The following PPP1R42 variants were observed in gnomAD, a reference collection of about 807,000 sequenced individuals.
PPP1R42 encodes the protein protein phosphatase 1 regulatory subunit 42, also known as leucine rich repeat containing 67.
PPP1R42 carries 34 observed loss-of-function variants against 31.0 expected under a neutral mutation model. The ratio of observed to expected loss-of-function variants is 1.10; its 90% CI spans 0.83 to 1.46. PPP1R42 has a LOEUF of 1.46. Ranked by LOEUF, PPP1R42 falls within the 40% of genes most tolerant of loss-of-function variation. The probability of loss-of-function intolerance (pLI) is 0.00; values close to 1 mark genes in which losing one functional copy is unlikely to be tolerated. For synonymous variants in PPP1R42, 103 were observed against 109.8 expected (o/e 0.94, Z 0.39); for missense variants, 268 against 303.0 (o/e 0.88, Z 0.86).
At chr8:66,984,885 T>G in intron 6 of PPP1R42, 3 of 1,567,024 alleles carry the variant, frequency 1.9e-6, no homozygotes, top group Non-Finnish European at 2.6e-6. Flanking sequence ...GTCTCTGAAG[T>G]TTTTTCTGTT....
rs139899693 is a variant in PPP1R42, at chr8:66,968,785, G to A, written c.803-4451C>T. On this transcript the variant is annotated intron_variant, in intron 7 of 7. Transcript: ENST00000685739. Reference sequence around the variant, plus strand: ...TAGAACTGATAATCTCATTTAATACGTATTAAATCTTTTGATATACTAAAA... The same window carrying A: ...TAGAACTGATAATCTCATTTAATACATATTAAATCTTTTGATATACTAAAA... Among the ~76,000 whole-genome samples, 257 of 152,110 alleles carry A rather than the reference G, an allele frequency of 1.7e-3. 1 individual carries two copies. The highest frequency in any genetic ancestry group is 2.8e-3 in the Non-Finnish European group (187 of 67,990).
At chr8:66,981,746 A>G (rs1219975755) in intron 7 of PPP1R42, among the ~76,000 whole-genome samples, 1 of 152,198 alleles carries the variant, frequency 6.6e-6, no homozygotes, top group East Asian at 1.9e-4. Flanking sequence ...AGCTGATATC[A>G]TGCACTTTTG....
intron 7 of PPP1R42, among the ~76,000 whole-genome samples, chr8:66,977,177 C>T (rs756279736): frequency 1.2e-4 from 18 of 151,762 alleles, no homozygotes; most frequent in African/African-American, 3.9e-4. Context: ...GGATTACAGG[C>T]GTGTGCCACC....
At chr8:67,013,466 C>T (rs528638251) in intron 3 of PPP1R42, among the ~76,000 whole-genome samples, 6 of 151,868 alleles carry the variant, frequency 4.0e-5, no homozygotes, top group African/African-American at 1.4e-4. Context: ...CCTGTAATCC[C>T]AGCACTTTGG....
chr8:66,966,609 T>C (rs1296069931), intron 7 of PPP1R42, among the ~76,000 whole-genome samples: 6 of 151,578 alleles, frequency 4.0e-5, no homozygotes, highest in African/African-American at 1.5e-4. Context: ...CACGGTGAAA[T>C]CCCATCTCTA....
intron 1 of PPP1R42, chr8:67,026,893 A>C (rs1460763489): frequency 2.0e-5 from 3 of 149,366 alleles, no homozygotes; most frequent in Non-Finnish European, 4.4e-5. Context: ...GTCATTTTTC[A>C]AGTGCTTTTT....
chr8:67,005,294 A>G (rs1815639705), intron 5 of PPP1R42, among the ~76,000 whole-genome samples: 1 of 150,906 alleles, frequency 6.6e-6, no homozygotes, highest in Non-Finnish European at 1.5e-5. Context: ...GCAGGTGGCC[A>G]CTCCCTCTTT....
intron 2 of PPP1R42, 35 bp downstream of exon 2, chr8:67,017,584 T>A (rs778662779): frequency 8.6e-7 from 1 of 1,156,428 alleles, no homozygotes; most frequent in East Asian, 2.8e-5. Flanking sequence ...ACATTATTAA[T>A]TATATAAAAT....
At chr8:66,998,047 C>T (rs1162932879) in intron 5 of PPP1R42, among the ~76,000 whole-genome samples, 4 of 152,062 alleles carry the variant, frequency 2.6e-5, no homozygotes, top group African/African-American at 7.2e-5. Flanking sequence ...TATGAGAAAT[C>T]TCTGTACTTT....
chr8:67,018,594 C>G (rs1816092397), intron 1 of PPP1R42, among the ~76,000 whole-genome samples: 1 of 151,662 alleles, frequency 6.6e-6, no homozygotes, highest in Non-Finnish European at 1.5e-5. Flanking sequence ...CTGACTGCAA[C>G]CTCCGTCTCC....
chr8:66,970,872 C>A, intron 7 of PPP1R42: 3 of 867,100 alleles, frequency 3.5e-6, no homozygotes, highest in South Asian at 1.4e-5. Context: ...GGATTGAGAA[C>A]AAAGAACTAG....
intron 7 of PPP1R42, among the ~76,000 whole-genome samples, chr8:66,969,775 T>C (rs1263524724): frequency 6.6e-6 from 1 of 152,250 alleles, no homozygotes. Context: ...TTCCAAAGTA[T>C]GTCCCCTGGC....
chr8:66,972,905 C>T (rs966727439), intron 7 of PPP1R42, among the ~76,000 whole-genome samples: 1 of 152,054 alleles, frequency 6.6e-6, no homozygotes, highest in African/African-American at 2.4e-5. Flanking sequence ...ATTAATTGTC[C>T]TTATATCCCA....
intron 1 of PPP1R42, among the ~76,000 whole-genome samples, chr8:67,023,367 C>T (rs986460845): frequency 2.0e-5 from 3 of 152,102 alleles, no homozygotes; most frequent in Non-Finnish European, 4.4e-5. Flanking sequence ...GCCTCAGCCT[C>T]CCAAACCGTT....
chr8:66,969,069 G>GTTCGTAGT (rs1236169592), intron 7 of PPP1R42, among the ~76,000 whole-genome samples: 1 of 152,142 alleles, frequency 6.6e-6, no homozygotes, highest in African/African-American at 2.4e-5. Context: ...TGTATTTAGT[G>GTTCGTAGT]TTCGTAGTTA....
intron 5 of PPP1R42, among the ~76,000 whole-genome samples, chr8:67,004,992 G>A (rs1337506737): frequency 6.6e-6 from 1 of 151,750 alleles, no homozygotes; most frequent in Non-Finnish European, 1.5e-5. Context: ...TTTGCCCAGC[G>A]TTTTAAAGCC....
At chr8:66,979,810 A>AT (rs1367983588) in intron 7 of PPP1R42, among the ~76,000 whole-genome samples, 1 of 151,994 alleles carries the variant, frequency 6.6e-6, no homozygotes, top group East Asian at 1.9e-4. Flanking sequence ...GTAGACTATA[A>AT]TTTTTTTAAG....
At chr8:67,020,617 C>G (rs1347096145) in intron 1 of PPP1R42, among the ~76,000 whole-genome samples, 2 of 152,202 alleles carry the variant, frequency 1.3e-5, no homozygotes, top group Admixed American at 1.3e-4. Flanking sequence ...ATAATAGTCC[C>G]TATTTCCAAG....
intron 7 of PPP1R42, among the ~76,000 whole-genome samples, chr8:66,975,870 G>A (rs1199062788): frequency 6.6e-6 from 1 of 152,020 alleles, no homozygotes; most frequent in East Asian, 1.9e-4. Context: ...CTTTGTGTTG[G>A]CATCATTCAA....
Sources: gnomAD v4.1 joint callset for allele counts (sites outside exome capture counted in the v4.1 genomes callset) on GRCh38, gnomAD v4.1.1 for gene constraint, MANE v1.5 for transcripts, NCBI Gene and HGNC (gene_info 2026-07-23, HGNC 2026-07-21) for gene names.